Variants in TDRD12 observed in about 807,000 individuals in gnomAD.
TDRD12 encodes putative ATP-dependent RNA helicase TDRD12.
TDRD12 carries 158 observed loss-of-function variants against 133.5 expected under a neutral mutation model. The observed-to-expected ratio is 1.18, with a 90% CI of 1.04 to 1.35. TDRD12 has a LOEUF of 1.35. Ranked by LOEUF, TDRD12 falls within the 40% of genes most tolerant of loss-of-function variation. The probability of loss-of-function intolerance (pLI) is 0.00; values close to 1 mark genes in which losing one functional copy is unlikely to be tolerated. For missense variants in TDRD12, 1,443 were observed against 1,321.3 expected, an observed-to-expected ratio of 1.09 and a Z score of -1.43; for synonymous variants, 460 against 477.9, an observed-to-expected ratio of 0.96 and a Z score of 0.49.
intron 21 of TDRD12, 35 bp from the exon 22 acceptor site, chr19:32,807,510 ATTAC>A (rs1971587880): frequency 4.4e-6 from 6 of 1,357,868 alleles, no homozygotes; most frequent in East Asian, 5.1e-5. Flanking sequence ...ATTAACAATT[ATTAC>A]TTACTTATGA....
intron 6 of TDRD12, among the ~76,000 whole-genome samples, chr19:32,755,258 A>G (rs1290467153): frequency 2.0e-5 from 3 of 152,200 alleles, no homozygotes; most frequent in African/African-American, 7.2e-5. Context: ...TCTCTCGAGC[A>G]TTACCTAGGA....
intron 6 of TDRD12, among the ~76,000 whole-genome samples, chr19:32,754,580 A>G (rs191529465): frequency 6.6e-6 from 1 of 152,226 alleles, no homozygotes; most frequent in East Asian, 1.9e-4. Flanking sequence ...TTTTTTTCAA[A>G]TAAATTCTCT....
At chr19:32,784,281 A>G (rs1487221447) in intron 11 of TDRD12, among the ~76,000 whole-genome samples, 2 of 151,974 alleles carry the variant, frequency 1.3e-5, no homozygotes, top group African/African-American at 4.8e-5. Context: ...TGTTTATGTG[A>G]TGGATTACAT....
At position 32,804,260 on chromosome 19, in the gene TDRD12, T is replaced by G. The variant is rs895877919; in HGVS notation, c.2552+1118T>G. ...GCTAATTTTTTGTATTTTTAGTAGA[T>G]ATGGGGTTTCACCATGTTAGCCAGG... On this transcript the variant is annotated intron_variant, in intron 21 of 27. Transcript: ENST00000444215. 5.5e-4 allele frequency among the ~76,000 whole-genome samples: 83 copies of G among 151,236 alleles called. 1 individual carries two copies. Among genetic ancestry groups the G allele is most frequent in the Admixed American group, 9.2e-4 (14 of 15,210 alleles).
chr19:32,799,982 C>T (rs1971339690), intron 16 of TDRD12, among the ~76,000 whole-genome samples, 185 bp from the exon 17 acceptor site: 1 of 152,016 alleles, frequency 6.6e-6, no homozygotes, highest in Admixed American at 6.6e-5. Flanking sequence ...GATCCGCCTG[C>T]CTCAGCCTCC....
rs1028218666 is a variant in TDRD12 at position 32,728,722 on chromosome 19, T to C, written c.25-3003T>C. 6.7e-5 allele frequency among the ~76,000 whole-genome samples: 10 copies of C among 149,740 alleles called. 1 individual carries two copies. The highest frequency in any genetic ancestry group is 1.7e-4 in the African/African-American group (7 of 40,710). ...GTGCAGTGGCGCGATCTTGGTTCAC[T>C]GCAAGCTCCGCCTCCTGGGTTCACT... is the stretch of plus-strand genomic sequence containing the variant. On this transcript the variant is annotated intron_variant, in intron 1 of 27. Transcript: ENST00000444215.
At chr19:32,753,324 G>T (rs1969891422) in intron 6 of TDRD12, among the ~76,000 whole-genome samples, 1 of 152,044 alleles carries the variant, frequency 6.6e-6, no homozygotes, top group Non-Finnish European at 1.5e-5. Flanking sequence ...TCTCTGATTT[G>T]AATCCAGCAC....
intron 21 of TDRD12, among the ~76,000 whole-genome samples, chr19:32,804,308 G>A (rs550233481): frequency 1.3e-5 from 2 of 151,344 alleles, no homozygotes; most frequent in Admixed American, 6.6e-5. Context: ...TCCTGACCTC[G>A]TGATCTGCCC....
At chr19:32,802,666 C>T (rs759798750) in exon 20 of TDRD12, 136 of 1,536,100 alleles carry the variant, frequency 8.9e-5, no homozygotes, top group Middle Eastern at 3.4e-4. Context: ...CCCTCACAGA[C>T]GACTGCGTCC....
rs189053755 is a variant in TDRD12 at position 32,767,762 on chromosome 19, G to C, written c.866-4991G>C. Among the ~76,000 whole-genome samples, 84 of 152,270 alleles carry C rather than the reference G, an allele frequency of 5.5e-4. No individual in the cohort carries two copies. The Middle Eastern group carries it at 0.017, about 31-fold the overall frequency. ...TCATTTCTTTGGCCAGAATGTTCTT[G>C]TGCAGCCATGCTTAATGGGAGATGA... On this transcript the variant is annotated intron_variant, in intron 8 of 27. Coordinates refer to ENST00000444215, the Ensembl canonical transcript of TDRD12.
At chr19:32,777,784 A>G (rs1202082968) in intron 11 of TDRD12, among the ~76,000 whole-genome samples, 3 of 127,862 alleles carry the variant, frequency 2.3e-5, no homozygotes, top group Admixed American at 8.8e-5. Context: ...AGCTGGGACC[A>G]TAGGCATGCA....
chr19:32,756,823 A>G (rs1970008815), intron 7 of TDRD12, among the ~76,000 whole-genome samples: 1 of 152,260 alleles, frequency 6.6e-6, no homozygotes. Flanking sequence ...AATAACCCTT[A>G]GCATAAAAAT....
chr19:32,824,922 G>A (rs575255895), downstream of TDRD12, among the ~76,000 whole-genome samples: 14 of 152,218 alleles, frequency 9.2e-5, no homozygotes, highest in East Asian at 9.7e-4. Context: ...TTTGGTTGAC[G>A]GCTCCGAGGA....
chr19:32,749,481 C>A (rs1304028532), intron 5 of TDRD12, among the ~76,000 whole-genome samples: 1 of 152,084 alleles, frequency 6.6e-6, no homozygotes, highest in Non-Finnish European at 1.5e-5. Flanking sequence ...TGCTGCACTC[C>A]GTGGGGCTTT....
At chr19:32,745,314 G>GCC (rs1037282971) in intron 4 of TDRD12, among the ~76,000 whole-genome samples, 1 of 152,184 alleles carries the variant, frequency 6.6e-6, no homozygotes, top group Non-Finnish European at 1.5e-5. Flanking sequence ...AACCTAGGAT[G>GCC]CCCCCAGGGA....
At chr19:32,742,159 C>CTTT (rs10692209) in intron 3 of TDRD12, among the ~76,000 whole-genome samples, 151 of 144,326 alleles carry the variant, frequency 1.0e-3, no homozygotes, top group Non-Finnish European at 1.6e-3. Flanking sequence ...CCTTATTAGA[C>CTTT]TTTTTTTTTT....
At chr19:32,729,860 G>A (rs1318622083) in intron 1 of TDRD12, among the ~76,000 whole-genome samples, 1 of 136,854 alleles carries the variant, frequency 7.3e-6, no homozygotes, top group Non-Finnish European at 1.5e-5. Flanking sequence ...GCGCAATCTC[G>A]GCTCACTGCA....
exon 18 of TDRD12, chr19:32,800,665 T>C (rs900846014): frequency 5.0e-5 from 76 of 1,535,348 alleles, no homozygotes; most frequent in Non-Finnish European, 6.2e-5. Context: ...TTGCCTAGAA[T>C]GTGAAAAAAC....
At position 32,802,995 on chromosome 19, in the gene TDRD12, C is replaced by T. The variant is rs923090378; in HGVS notation, c.2405C>T (p.Ala802Val). 12 of 1,535,960 alleles carry T rather than the reference C, an allele frequency of 7.8e-6. No individual in the cohort carries two copies. The South Asian group carries it at 9.5e-5, about 12-fold the overall frequency. ...CTGACGGAGAAAGATGCGAGCCATG[C>T]GGTGGGCGTCCTGCGCTACTTGGAG... The change falls in exon 21 of 28, where the codon GCG becomes GTG. Residue 802 changes from alanine (A) to valine (V), a missense_variant. Physicochemically the swap from Ala to Val is moderately conservative, Grantham distance 64. Transcript: ENST00000444215.
Sources: gnomAD v4.1 joint callset for allele counts (sites outside exome capture counted in the v4.1 genomes callset) on GRCh38, gnomAD v4.1.1 for gene constraint, MANE v1.5 for transcripts, NCBI Gene and HGNC (gene_info 2026-07-23, HGNC 2026-07-21) for gene names.